The following PTPRN2 variants were observed in gnomAD, a reference collection of about 807,000 sequenced individuals.
The protein encoded by PTPRN2 is protein tyrosine phosphatase receptor type N2, also known as receptor-type tyrosine-protein phosphatase N2.
PTPRN2 carries 74 observed loss-of-function variants against 118.8 expected under a neutral mutation model. The observed-to-expected ratio is 0.62, with a 90% CI of 0.52 to 0.76. The LOEUF is 0.76. PTPRN2 is among the 30% of genes least tolerant of loss of function. PTPRN2 has a pLI of 0.00. For missense variants in PTPRN2, 1,481 were observed against 1,394.4 expected, an observed-to-expected ratio of 1.06 and a Z score of -0.99; for synonymous variants, 641 against 608.0, an observed-to-expected ratio of 1.05 and a Z score of -0.80.
At chr7:158,089,843 T>G (rs9769203) in intron 10 of PTPRN2, among the ~76,000 whole-genome samples, 5 of 111,824 alleles carry the variant, frequency 4.5e-5, no homozygotes, top group African/African-American at 1.3e-4. Context: ...CCTCCCCTGA[T>G]GAAAGAGGGA....
Position 158,549,342 on chromosome 7 carries a change from C to T in PTPRN2, c.112+38216G>A, listed in dbSNP as rs541804053. On this transcript the variant is annotated intron_variant, in intron 1 of 22. Coordinates refer to ENST00000389418, the MANE Select transcript of PTPRN2 (RefSeq NM_002847.5). ...TGGTCACCCCACGTGGACGCCGTGC[C>T]CTGCCTCCTCTGGCGAGCTTTGTGT... is the stretch of plus-strand genomic sequence containing the variant. 1.7e-3 allele frequency among the ~76,000 whole-genome samples: 257 copies of T among 152,312 alleles called. 2 individuals carry two copies. The highest frequency in any genetic ancestry group is 5.8e-3 in the African/African-American group (240 of 41,578).
chr7:157,782,047 C>A (rs118079613), intron 12 of PTPRN2, among the ~76,000 whole-genome samples: 2,082 of 152,342 alleles, frequency 0.014, 21 homozygotes, highest in Non-Finnish European at 0.017. Context: ...TATGGCCTCG[C>A]CTATGCTATC....
At chr7:158,309,620 C>A (rs1333495897) in intron 3 of PTPRN2, among the ~76,000 whole-genome samples, 2 of 152,232 alleles carry the variant, frequency 1.3e-5, no homozygotes, top group South Asian at 2.1e-4. Flanking sequence ...TAAGAGATAT[C>A]CTTTATAAAT....
chr7:157,604,744 C>T (rs943118107), intron 15 of PTPRN2, among the ~76,000 whole-genome samples: 9 of 152,208 alleles, frequency 5.9e-5, no homozygotes, highest in African/African-American at 2.2e-4. Flanking sequence ...CTCGCTCGGA[C>T]AGACAGAGTA....
At chr7:158,205,589 C>T (rs1265864345) in intron 3 of PTPRN2, among the ~76,000 whole-genome samples, 4 of 152,268 alleles carry the variant, frequency 2.6e-5, no homozygotes, top group South Asian at 2.1e-4. Context: ...AACAACTGTC[C>T]GCACAGCAAA....
chr7:157,850,696 A>T lies in PTPRN2; in HGVS notation c.1788+47977T>A, dbSNP rs1240434430. Among the ~76,000 whole-genome samples, 8 of 152,334 alleles carry T rather than the reference A, an allele frequency of 5.3e-5. 1 individual carries two copies. The East Asian group carries it at 1.2e-3, about 22-fold the overall frequency. ...CCTTGACAGACAAAAGGTGTAGAAT[A>T]GCCTGGGATTCCAGGTTCCTGGGAG... is the stretch of plus-strand genomic sequence containing the variant. On this transcript the variant is annotated intron_variant, in intron 12 of 22. Coordinates refer to ENST00000389418, the MANE Select transcript of PTPRN2 (RefSeq NM_002847.5).
chr7:158,078,461 G>A (rs1455974001), intron 11 of PTPRN2, among the ~76,000 whole-genome samples: 13 of 152,346 alleles, frequency 8.5e-5, no homozygotes, highest in South Asian at 4.1e-4. Flanking sequence ...ACCACAGGGC[G>A]TTTGTGATGA....
At chr7:158,558,446 C>T (rs958974373) in intron 1 of PTPRN2, among the ~76,000 whole-genome samples, 2 of 152,128 alleles carry the variant, frequency 1.3e-5, no homozygotes, top group African/African-American at 4.8e-5. Context: ...TAAACTGTCC[C>T]TGGGGTGCTG....
intron 3 of PTPRN2, among the ~76,000 whole-genome samples, chr7:158,221,696 T>G (rs141906291): frequency 4.9e-4 from 75 of 152,228 alleles, no homozygotes; most frequent in Middle Eastern, 3.4e-3. Context: ...TTCACTAACA[T>G]GAGAATAATA....
chr7:158,212,639 A>T (rs1194832511), intron 3 of PTPRN2, among the ~76,000 whole-genome samples: 2 of 152,176 alleles, frequency 1.3e-5, no homozygotes, highest in Non-Finnish European at 2.9e-5. Context: ...ACTATGAAAG[A>T]TGGAAACATC....
At chr7:158,191,973 A>T (rs1158556196) in intron 5 of PTPRN2, among the ~76,000 whole-genome samples, 1 of 152,124 alleles carries the variant, frequency 6.6e-6, no homozygotes, top group Non-Finnish European at 1.5e-5. Context: ...TTCAGTGTCC[A>T]CTGCTGTCCC....
intron 2 of PTPRN2, among the ~76,000 whole-genome samples, chr7:158,350,226 C>T (rs751549552): frequency 2.0e-5 from 3 of 152,154 alleles, no homozygotes; most frequent in Admixed American, 1.3e-4. Flanking sequence ...AGTTGCTGCC[C>T]GAGGAGAGAT....
chr7:157,902,779 G>A (rs1797547551), intron 11 of PTPRN2, among the ~76,000 whole-genome samples: 1 of 152,206 alleles, frequency 6.6e-6, no homozygotes, highest in African/African-American at 2.4e-5. Flanking sequence ...ATCATCTGAG[G>A]TGATTCCAAA....
intron 12 of PTPRN2, among the ~76,000 whole-genome samples, chr7:157,812,621 G>A (rs1046175308): frequency 1.3e-5 from 2 of 152,196 alleles, no homozygotes; most frequent in Non-Finnish European, 2.9e-5. Context: ...AAAGCTGTAA[G>A]CGAGAGAGAT....
chr7:158,130,507 C>T (rs1259340039), intron 9 of PTPRN2, among the ~76,000 whole-genome samples: 1 of 150,730 alleles, frequency 6.6e-6, no homozygotes, highest in African/African-American at 2.5e-5. Context: ...CTACCCAACA[C>T]ACACACTCAT....
intron 22 of PTPRN2, 42 bp from the exon 23 acceptor site, chr7:157,540,827 T>TC (rs770958737): frequency 6.8e-6 from 10 of 1,468,790 alleles, no homozygotes; most frequent in South Asian, 3.7e-5. Context: ...GAGAGCGGCG[T>TC]CCCCCCGACT....
At chr7:157,806,106 T>C (rs1206112771) in intron 12 of PTPRN2, among the ~76,000 whole-genome samples, 1 of 152,146 alleles carries the variant, frequency 6.6e-6, no homozygotes, top group African/African-American at 2.4e-5. Flanking sequence ...GTGTGTAATA[T>C]ATATAAAGGT....
intron 1 of PTPRN2, among the ~76,000 whole-genome samples, chr7:158,495,644 G>A (rs1029619040): frequency 9.2e-5 from 14 of 152,174 alleles, no homozygotes; most frequent in African/African-American, 2.9e-4. Context: ...CCATCGGATC[G>A]AAAACAACGT....
rs560944729 is a variant in PTPRN2, at chr7:158,051,647, C to T, written c.1723+29651G>A. Among the ~76,000 whole-genome samples the T allele has an allele frequency of 3.9e-5, 6 of 152,350 alleles. 1 individual carries two copies. In the South Asian group the frequency reaches 1.2e-3, roughly 32 times the overall value. On this transcript the variant is annotated intron_variant, in intron 11 of 22. Coordinates refer to ENST00000389418, the MANE Select transcript of PTPRN2 (RefSeq NM_002847.5). ...GCGCCCGCCACCTTCATCTTTTCCC[C>T]TTTTGGTGACGTTCAGCACTGATTA...
Sources: gnomAD v4.1 joint callset for allele counts (sites outside exome capture counted in the v4.1 genomes callset) on GRCh38, gnomAD v4.1.1 for gene constraint, MANE v1.5 for transcripts, NCBI Gene and HGNC (gene_info 2026-07-23, HGNC 2026-07-21) for gene names.